The following PTPRD variants were observed in gnomAD, a reference collection of about 807,000 sequenced individuals.
PTPRD encodes protein tyrosine phosphatase receptor type D.
Under a neutral mutation model 214.5 loss-of-function variants are expected in PTPRD, and 34 were observed. That is an observed-to-expected ratio of 0.16 (90% confidence interval 0.12 to 0.21). The LOEUF (loss-of-function observed/expected upper bound fraction) is 0.21. Among genes scored for constraint, PTPRD ranks in the 10% least tolerant of loss-of-function variants. PTPRD has a pLI of 1.00. For synonymous variants in PTPRD, 1,128 were observed against 845.7 expected, an observed-to-expected ratio of 1.33 and a Z score of -5.79; for missense variants, 2,545 against 2,398.7, an observed-to-expected ratio of 1.06 and a Z score of -1.27.
intron 5 of PTPRD, among the ~76,000 whole-genome samples, chr9:9,774,504 A>G (rs976440008): frequency 6.6e-6 from 1 of 152,216 alleles, no homozygotes; most frequent in Non-Finnish European, 1.5e-5. Context: ...TGTCCTTACT[A>G]GGAATTGTAG....
chr9:9,005,105 T>C (rs767968743), intron 11 of PTPRD, among the ~76,000 whole-genome samples: 25 of 152,166 alleles, frequency 1.6e-4, no homozygotes, highest in South Asian at 4.1e-4. Flanking sequence ...CCAAATAGTT[T>C]TGCTATGGCT....
At chr9:9,422,684 G>C (rs1478388876) in intron 8 of PTPRD, among the ~76,000 whole-genome samples, 1 of 152,120 alleles carries the variant, frequency 6.6e-6, no homozygotes. Flanking sequence ...CTGTCAAATA[G>C]CTAGGGAGAC....
At chr9:9,915,041 G>C (rs2080307381) in intron 5 of PTPRD, among the ~76,000 whole-genome samples, 1 of 152,124 alleles carries the variant, frequency 6.6e-6, no homozygotes. Context: ...AGCCCGGTGA[G>C]CCAACTTTCA....
rs115532065 is a variant in PTPRD at position 9,990,389 on chromosome 9, C to T, written c.-472+43329G>A. On this transcript the variant is annotated intron_variant, in intron 4 of 45. Transcript: ENST00000381196. ...TGTGCAGTTCAGAACAATGTGATTT[C>T]TGTTTATGGAGGTGTCATTTTCACC... 7.9e-3 allele frequency among the ~76,000 whole-genome samples: 1,208 copies of T among 152,320 alleles called. 8 individuals carry two copies. Among genetic ancestry groups the T allele is most frequent in the African/African-American group, 0.027 (1,116 of 41,574 alleles).
intron 11 of PTPRD, among the ~76,000 whole-genome samples, chr9:8,777,969 C>A (rs752585608): frequency 6.6e-6 from 1 of 152,158 alleles, no homozygotes; most frequent in African/African-American, 2.4e-5. Context: ...ATCCACAGAG[C>A]GTCTTCCATA....
chr9:9,295,000 C>A (rs1952513402), intron 9 of PTPRD, among the ~76,000 whole-genome samples: 2 of 151,566 alleles, frequency 1.3e-5, no homozygotes, highest in African/African-American at 2.4e-5. Context: ...TATCAGGTAA[C>A]TTTAAGAAAG....
chr9:9,704,244 ATTC>A (rs534000893), intron 7 of PTPRD, among the ~76,000 whole-genome samples: 179 of 152,064 alleles, frequency 1.2e-3, no homozygotes, highest in Non-Finnish European at 2.0e-3. Flanking sequence ...ATCAAATCGC[ATTC>A]TTCTTTTTTC....
At chr9:9,829,610 A>G (rs1381722623) in intron 5 of PTPRD, among the ~76,000 whole-genome samples, 3 of 151,888 alleles carry the variant, frequency 2.0e-5, no homozygotes, top group Non-Finnish European at 2.9e-5. Context: ...CACAAAATCA[A>G]TGTGACATGT....
chr9:8,675,555 A>C (rs1019267802), intron 12 of PTPRD, among the ~76,000 whole-genome samples: 31 of 150,452 alleles, frequency 2.1e-4, no homozygotes, highest in Admixed American at 1.1e-3. Flanking sequence ...AAAAAAAAAA[A>C]AAAAAAAACC....
intron 8 of PTPRD, among the ~76,000 whole-genome samples, chr9:9,529,301 TAA>T (rs774855581): frequency 7.0e-6 from 1 of 143,536 alleles, no homozygotes; most frequent in Non-Finnish European, 1.5e-5. Context: ...ATGGATTCAT[TAA>T]AAAAAAAAAG....
chr9:8,666,723 C>A (rs2097177429), intron 12 of PTPRD, among the ~76,000 whole-genome samples: 1 of 152,128 alleles, frequency 6.6e-6, no homozygotes, highest in African/African-American at 2.4e-5. Context: ...ATTTCTACAT[C>A]CCAGTAGTTT....
chr9:10,430,819 T>C (rs546817838), intron 2 of PTPRD, among the ~76,000 whole-genome samples: 7 of 152,102 alleles, frequency 4.6e-5, no homozygotes, highest in East Asian at 1.9e-4. Context: ...CTGTCTTCCA[T>C]AAGCCATCAT....
chr9:9,124,317 T>A (rs1232901070), intron 10 of PTPRD, among the ~76,000 whole-genome samples: 12 of 152,194 alleles, frequency 7.9e-5, no homozygotes, highest in African/African-American at 2.9e-4. Context: ...AGATTCTTTC[T>A]AACTATCTAT....
chr9:10,138,117 AT>A (rs2098955674), intron 3 of PTPRD, among the ~76,000 whole-genome samples: 1 of 152,096 alleles, frequency 6.6e-6, no homozygotes, highest in Non-Finnish European at 1.5e-5. Flanking sequence ...ATTTCAAAAA[AT>A]AAACAAGATG....
At chr9:10,061,157 T>C in intron 3 of PTPRD, among the ~76,000 whole-genome samples, 1 of 151,860 alleles carries the variant, frequency 6.6e-6, no homozygotes, top group Non-Finnish European at 1.5e-5. Context: ...AAATACTTGC[T>C]CATTTAAGTT....
intron 3 of PTPRD, among the ~76,000 whole-genome samples, chr9:10,094,016 T>C (rs1201013595): frequency 6.6e-6 from 1 of 151,344 alleles, no homozygotes; most frequent in African/African-American, 2.4e-5. Context: ...TAGGATCATC[T>C]GTACCCCAAA....
intron 7 of PTPRD, among the ~76,000 whole-genome samples, chr9:9,577,223 A>G (rs1479790362): frequency 2.0e-5 from 3 of 152,158 alleles, no homozygotes; most frequent in African/African-American, 7.2e-5. Context: ...TTAATTTACC[A>G]TTTTCAATGA....
At chr9:8,991,605 G>A (rs1435751624) in intron 11 of PTPRD, among the ~76,000 whole-genome samples, 3 of 152,086 alleles carry the variant, frequency 2.0e-5, no homozygotes, top group African/African-American at 2.4e-5. Context: ...TAGAGGCTTA[G>A]ATTTGCCACA....
chr9:8,496,228 ACAC>A (rs1396770036), intron 26 of PTPRD, among the ~76,000 whole-genome samples: 59 of 151,058 alleles, frequency 3.9e-4, no homozygotes, highest in African/African-American at 1.4e-3. Flanking sequence ...ACACACACAC[ACAC>A]TTTTTCACTT....
Sources: gnomAD v4.1 joint callset for allele counts (sites outside exome capture counted in the v4.1 genomes callset) on GRCh38, gnomAD v4.1.1 for gene constraint, MANE v1.5 for transcripts, NCBI Gene and HGNC (gene_info 2026-07-23, HGNC 2026-07-21) for gene names.